The following LCOR variants were observed in gnomAD, a reference collection of about 807,000 sequenced individuals.
The protein encoded by LCOR is ligand dependent nuclear receptor corepressor.
Under a neutral mutation model 64.4 loss-of-function variants are expected in LCOR, and 14 were observed. That is an observed-to-expected ratio of 0.22 (90% CI 0.14 to 0.34). LCOR has a LOEUF of 0.34. Ranked by LOEUF, LCOR falls within the 10% of genes least tolerant of loss-of-function variation. LCOR has a pLI of 1.00. For synonymous variants in LCOR, 643 were observed against 642.5 expected, an observed-to-expected ratio of 1.00 and a Z score of -0.01; for missense variants, 1,686 against 1,765.3, an observed-to-expected ratio of 0.96 and a Z score of 0.80.
chr10:96,910,399 T>G (rs1421444656), intron 4 of LCOR, among the ~76,000 whole-genome samples: 1 of 152,262 alleles, frequency 6.6e-6, no homozygotes, highest in Non-Finnish European at 1.5e-5. Flanking sequence ...TTGGCATTTA[T>G]TATTTTCGGA....
chr10:96,886,494 A>T (rs1446260889), intron 2 of LCOR, among the ~76,000 whole-genome samples: 1 of 152,210 alleles, frequency 6.6e-6, no homozygotes, highest in African/African-American at 2.4e-5. Flanking sequence ...TTTAGTTTAT[A>T]ATATTATTCC....
chr10:96,847,520 G>A (rs1349005888), intron 2 of LCOR, among the ~76,000 whole-genome samples: 4 of 151,954 alleles, frequency 2.6e-5, no homozygotes, highest in Non-Finnish European at 5.9e-5. Flanking sequence ...TCGGCTCACC[G>A]CATCCTCCGC....
chr10:96,855,505 GCTCATTGCAACCT>G (rs1845788496), intron 2 of LCOR, among the ~76,000 whole-genome samples: 1 of 150,758 alleles, frequency 6.6e-6, no homozygotes, highest in Non-Finnish European at 1.5e-5. Flanking sequence ...CGCGATCTTG[GCTCATTGCAACCT>G]CTGCCTCCCA....
intron 2 of LCOR, among the ~76,000 whole-genome samples, chr10:96,857,401 C>G (rs1303726900): frequency 1.3e-5 from 2 of 152,130 alleles, no homozygotes; most frequent in African/African-American, 4.8e-5. Context: ...TGTGGGTTAA[C>G]AGTTGTGTGA....
At chr10:96,838,095 A>G (rs1490737535) in intron 2 of LCOR, among the ~76,000 whole-genome samples, 3 of 152,210 alleles carry the variant, frequency 2.0e-5, no homozygotes, top group Non-Finnish European at 2.9e-5. Context: ...TAAAAATCCA[A>G]TATAAACCAT....
At chr10:96,964,902 TGTCA>T (rs150787544) in intron 7 of LCOR, among the ~76,000 whole-genome samples, 8,194 of 152,204 alleles carry the variant, frequency 0.054, 747 homozygotes, top group African/African-American at 0.19. Flanking sequence ...AAAGCAACAT[TGTCA>T]GTCAGTTAAG....
intron 2 of LCOR, among the ~76,000 whole-genome samples, chr10:96,904,456 A>T (rs1276595459): frequency 6.6e-6 from 1 of 152,182 alleles, no homozygotes; most frequent in African/African-American, 2.4e-5. Context: ...TTCTTTAACC[A>T]GTGTGAACTT....
chr10:96,962,127 ATAAT>A (rs1427136711), intron 7 of LCOR: 2 of 152,094 alleles, frequency 1.3e-5, no homozygotes, highest in Non-Finnish European at 2.9e-5. Flanking sequence ...ATTTATATAA[ATAAT>A]TCTTATTTTA....
intron 4 of LCOR, among the ~76,000 whole-genome samples, chr10:96,920,696 G>A (rs1847056057): frequency 7.4e-6 from 1 of 136,008 alleles, no homozygotes; most frequent in African/African-American, 3.1e-5. Context: ...GTGTATATAT[G>A]TTCATATATG....
At chr10:96,837,744 A>G (rs1472553706) in intron 2 of LCOR, among the ~76,000 whole-genome samples, 1 of 152,192 alleles carries the variant, frequency 6.6e-6, no homozygotes, top group Non-Finnish European at 1.5e-5. Flanking sequence ...GTCAAAAAGT[A>G]TTTGCTGTGA....
intron 2 of LCOR, among the ~76,000 whole-genome samples, chr10:96,875,215 T>C (rs1391451069): frequency 6.6e-6 from 1 of 151,794 alleles, no homozygotes; most frequent in East Asian, 2.0e-4. Context: ...AAACCCCGTC[T>C]CTACTAAAAA....
chr10:96,920,644 G>T (rs1411871998), intron 4 of LCOR, among the ~76,000 whole-genome samples: 5 of 138,296 alleles, frequency 3.6e-5, no homozygotes, highest in African/African-American at 1.5e-4. Flanking sequence ...TCATATATGT[G>T]TATATATGTG....
chr10:96,841,323 AT>A lies in LCOR; in HGVS notation c.-330+7845del, dbSNP rs367932895. ...TATTAATGGTATCACCATCTTATAT[AT>A]CTGCATGACACATTTAATACTTTCT... is the stretch of plus-strand genomic sequence containing the variant. On this transcript the variant is annotated intron_variant, in intron 2 of 7. Transcript: ENST00000421806. Among the ~76,000 whole-genome samples, 38 of 152,050 alleles carry A rather than the reference AT, an allele frequency of 2.5e-4. No homozygotes were observed. The East Asian group carries it at 7.0e-3, about 28-fold the overall frequency.
intron 2 of LCOR, among the ~76,000 whole-genome samples, chr10:96,867,367 TAGG>T (rs1231551083): frequency 1.3e-5 from 2 of 152,102 alleles, no homozygotes; most frequent in Non-Finnish European, 2.9e-5. Flanking sequence ...CAGGCTGAGG[TAGG>T]AGGATCATTT....
At position 96,993,556 on chromosome 10, in the gene LCOR, C is replaced by T. The variant is rs1290456263; in HGVS notation, c.*8422C>T. 6.6e-6 allele frequency: 1 copy of T among 151,890 alleles called. No individual in the cohort carries two copies. The highest frequency in any genetic ancestry group is 2.4e-5 in the African/African-American group (1 of 41,370). The allele number at this position is 151,890 out of a possible 1,614,324, so 9.4% of individuals were successfully genotyped here. ...CTTGTGCTGTATACAAATTCATGTTCTGAGTGATGTTGGTTTGCATTGTAG... is the reference window on the plus strand; with the variant it reads ...CTTGTGCTGTATACAAATTCATGTTTTGAGTGATGTTGGTTTGCATTGTAG... On this transcript the variant is annotated 3_prime_UTR_variant, in exon 8 of 8. Transcript: ENST00000421806.
At chr10:96,901,120 C>T (rs1391382208) in intron 2 of LCOR, among the ~76,000 whole-genome samples, 1 of 151,828 alleles carries the variant, frequency 6.6e-6, no homozygotes, top group African/African-American at 2.4e-5. Flanking sequence ...ACCCGGGAGG[C>T]GGAGCTTGCA....
chr10:96,947,461 G>T (rs936969268), intron 5 of LCOR, among the ~76,000 whole-genome samples: 19 of 152,104 alleles, frequency 1.2e-4, no homozygotes, highest in Non-Finnish European at 2.5e-4. Context: ...TTAGTAATTA[G>T]AGTCAGTTTT....
At chr10:96,888,928 A>G (rs1316615551) in intron 2 of LCOR, among the ~76,000 whole-genome samples, 1 of 152,198 alleles carries the variant, frequency 6.6e-6, no homozygotes, top group Non-Finnish European at 1.5e-5. Context: ...ACCATTTGAG[A>G]CTGGCTTCAT....
intron 6 of LCOR, among the ~76,000 whole-genome samples, chr10:96,951,559 GACC>G (rs1210493395): frequency 2.0e-5 from 3 of 151,944 alleles, no homozygotes; most frequent in African/African-American, 7.3e-5. Context: ...TCATCTTACA[GACC>G]ATATTGTTTA....
Sources: gnomAD v4.1 joint callset for allele counts (sites outside exome capture counted in the v4.1 genomes callset) on GRCh38, gnomAD v4.1.1 for gene constraint, MANE v1.5 for transcripts, NCBI Gene and HGNC (gene_info 2026-07-23, HGNC 2026-07-21) for gene names.